CCDC18: variants seen among roughly 807,000 people sequenced by gnomAD.
CCDC18 encodes the protein coiled-coil domain-containing protein 18.
A neutral mutation model predicts 196.0 loss-of-function variants in CCDC18; 157 were observed. The ratio of observed to expected loss-of-function variants is 0.80; its 90% confidence interval spans 0.70 to 0.91. CCDC18 has a LOEUF of 0.91. Among genes scored for constraint, CCDC18 ranks in the 40% least tolerant of loss-of-function variants. CCDC18 has a pLI of 0.00. For missense variants in CCDC18, 1,465 were observed against 1,611.6 expected (o/e 0.91, Z 1.56); for synonymous variants, 482 against 529.2 (o/e 0.91, Z 1.22).
At chr1:93,242,631 C>G (rs1570535305) in intron 21 of CCDC18, among the ~76,000 whole-genome samples, 1 of 152,308 alleles carries the variant, frequency 6.6e-6, no homozygotes, top group Non-Finnish European at 1.5e-5. Flanking sequence ...GTCCACAGTC[C>G]AAAGTCTCAT....
chr1:93,263,465 C>T (rs1179848056), intron 26 of CCDC18, among the ~76,000 whole-genome samples: 1 of 151,958 alleles, frequency 6.6e-6, no homozygotes, highest in East Asian at 1.9e-4. Flanking sequence ...TCTCAGAGAC[C>T]CTAAATCATC....
In CCDC18 at chr1:93,187,969, A is replaced by G. The variant is rs563287841; in HGVS notation, c.462+1466A>G. Among the ~76,000 whole-genome samples the G allele has an allele frequency of 1.7e-3, 256 of 152,244 alleles. 1 individual carries two copies. Among genetic ancestry groups the G allele is most frequent in the African/African-American group, 6.0e-3 (251 of 41,532 alleles). ...TAAAATTTTTCTTCAACTGTAGATAATCTCTCTTTTTAAAGTCATGATTGC... is the reference window on the plus strand; with the variant it reads ...TAAAATTTTTCTTCAACTGTAGATAGTCTCTCTTTTTAAAGTCATGATTGC... On this transcript the variant is annotated intron_variant, in intron 4 of 28. Coordinates refer to ENST00000690025, the MANE Select transcript of CCDC18 (RefSeq NM_001378204.1).
intron 18 of CCDC18, among the ~76,000 whole-genome samples, chr1:93,234,349 GCGGGGTTTCA>G (rs1659713877): frequency 6.6e-6 from 1 of 151,534 alleles, no homozygotes; most frequent in Non-Finnish European, 1.5e-5. Context: ...TTTAGTAGAG[GCGGGGTTTCA>G]CCATGTTGGC....
At chr1:93,202,030 C>A in intron 7 of CCDC18, 42 bp downstream of exon 7, 1 of 1,125,412 alleles carries the variant, frequency 8.9e-7, no homozygotes, top group Non-Finnish European at 1.3e-6. Flanking sequence ...GTATTACTGT[C>A]TATATTCCAA....
Position 93,271,902 on chromosome 1 carries a change from A to G in CCDC18, c.4353+1088A>G, listed in dbSNP as rs561476103. ...CTCTTCTCTTGACTTTTATGATTTA[A>G]TATTTTTCTGGTCCTCTTCTTATTT... On this transcript the variant is annotated intron_variant, in intron 28 of 28. Coordinates refer to ENST00000690025, the MANE Select transcript of CCDC18 (RefSeq NM_001378204.1). 2.6e-5 allele frequency among the ~76,000 whole-genome samples: 4 copies of G among 152,112 alleles called. No homozygotes were observed. The East Asian group carries it at 7.7e-4, about 29-fold the overall frequency.
intron 24 of CCDC18, among the ~76,000 whole-genome samples, chr1:93,255,547 G>A (rs772463404): frequency 1.3e-5 from 2 of 152,102 alleles, no homozygotes; most frequent in African/African-American, 2.4e-5. Flanking sequence ...CCTGGGCATC[G>A]TAGCAGTGGG....
intron 9 of CCDC18, 35 bp from the exon 10 acceptor site, chr1:93,210,767 C>T (rs1338791230): frequency 1.3e-6 from 2 of 1,505,346 alleles, no homozygotes; most frequent in South Asian, 1.2e-5. Context: ...ATCTCATTTA[C>T]ATAAGTTTAC....
intron 14 of CCDC18, among the ~76,000 whole-genome samples, chr1:93,219,858 A>G (rs1485571641): frequency 6.6e-6 from 1 of 152,210 alleles, no homozygotes; most frequent in East Asian, 1.9e-4. Context: ...TCTGAGCAAC[A>G]GAGAAAAAAT....
At chr1:93,264,946 A>G in intron 27 of CCDC18, 45 bp downstream of exon 27, 1 of 1,360,980 alleles carries the variant, frequency 7.3e-7, no homozygotes, top group Non-Finnish European at 1.0e-6. Flanking sequence ...ATGAAAACAT[A>G]AATGTCTGAC....
chr1:93,249,958 T>A (rs184282847), intron 23 of CCDC18, among the ~76,000 whole-genome samples: 2,810 of 152,238 alleles, frequency 0.018, 39 homozygotes, highest in Non-Finnish European at 0.027. Flanking sequence ...AAATTTTTTT[T>A]AAAATTTCTT....
At chr1:93,248,000 ATTTTCCTTCTTT>A (rs1304755140) in intron 23 of CCDC18, among the ~76,000 whole-genome samples, 4 of 92,494 alleles carry the variant, frequency 4.3e-5, no homozygotes, top group Admixed American at 1.1e-4. Flanking sequence ...TTACTGTGTT[ATTTTCCTTCTTT>A]TTTTTTTTTT....
intron 22 of CCDC18, 44 bp downstream of exon 22, chr1:93,246,248 A>T: frequency 7.3e-7 from 1 of 1,361,314 alleles, no homozygotes; most frequent in Non-Finnish European, 1.0e-6. Flanking sequence ...TTCTGTTATG[A>T]CACAGTCACA....
chr1:93,198,496 G>T (rs971961427), intron 6 of CCDC18, among the ~76,000 whole-genome samples: 6 of 152,102 alleles, frequency 3.9e-5, no homozygotes, highest in Non-Finnish European at 5.9e-5. Context: ...CAGGGGTGCT[G>T]GAAGTGTTCT....
Position 93,258,575 on chromosome 1 carries a change from A to G in CCDC18, c.3547-173A>G, listed in dbSNP as rs1663346351. ...ACAATTATATTAATACTCTCCCATT[A>G]ATAGTCTCTGAAATGTCTAGATTTT... On this transcript the variant is annotated intron_variant, in intron 25 of 28. Transcript: ENST00000690025. Among the ~76,000 whole-genome samples the G allele has an allele frequency of 2.0e-5, 3 of 152,272 alleles. No individual in the cohort carries two copies. In the South Asian group the frequency reaches 6.2e-4, roughly 32 times the overall value.
At chr1:93,231,777 G>A (rs1403502674) in intron 17 of CCDC18, among the ~76,000 whole-genome samples, 2 of 151,918 alleles carry the variant, frequency 1.3e-5, no homozygotes, top group Non-Finnish European at 2.9e-5. Flanking sequence ...TTTTTTTGTA[G>A]CATAAATATT....
intron 6 of CCDC18, among the ~76,000 whole-genome samples, chr1:93,198,216 T>A (rs780035738): frequency 1.3e-5 from 2 of 152,210 alleles, no homozygotes; most frequent in African/African-American, 2.4e-5. Context: ...GTTAGAGTAA[T>A]TTTATTCATT....
At chr1:93,180,876 T>C (rs2255722) in intron 1 of CCDC18, 24 bp downstream of exon 1, 139,292 of 1,366,018 alleles carry the variant, frequency 0.1, 9,060 homozygotes, top group East Asian at 0.28. Context: ...CAGCGACGAT[T>C]TGGGTGGTGA....
chr1:93,245,688 A>G (rs1205131318), intron 21 of CCDC18, among the ~76,000 whole-genome samples: 1 of 152,140 alleles, frequency 6.6e-6, no homozygotes, highest in Admixed American at 6.5e-5. Flanking sequence ...CCTCATGAGA[A>G]ATACTATGGT....
At chr1:93,214,001 T>G (rs1259852099) in intron 11 of CCDC18, among the ~76,000 whole-genome samples, 1 of 152,206 alleles carries the variant, frequency 6.6e-6, no homozygotes, top group South Asian at 2.1e-4. Context: ...ATTATGCTTT[T>G]TAAAAGCACT....
Sources: allele counts gnomAD v4.1 joint callset (sites outside exome capture counted in the v4.1 genomes callset), GRCh38; gene constraint gnomAD v4.1.1; transcripts MANE v1.5; gene names NCBI Gene and HGNC (gene_info 2026-07-23, HGNC 2026-07-21).